Variants in PCTP observed in about 807,000 individuals in gnomAD.
The protein encoded by PCTP is START domain-containing protein 2.
Under a neutral mutation model 31.0 loss-of-function variants are expected in PCTP, and 27 were observed. That is an observed-to-expected ratio of 0.87 (90% CI 0.64 to 1.20). The LOEUF (loss-of-function observed/expected upper bound fraction) is 1.20. PCTP is among the 50% of genes most tolerant of loss of function. PCTP has a pLI of 0.00. For missense variants in PCTP, 287 were observed against 268.2 expected (o/e 1.07, Z -0.49); for synonymous variants, 108 against 101.2 (o/e 1.07, Z -0.40).
At chr17:55,779,486 C>T (rs1008146618), downstream of PCTP, among the ~76,000 whole-genome samples, 2 of 152,054 alleles carry the variant, frequency 1.3e-5, no homozygotes, top group Non-Finnish European at 2.9e-5. Flanking sequence ...TGAAGAATGA[C>T]AGAAGGCCAG....
intron 3 of PCTP, among the ~76,000 whole-genome samples, chr17:55,771,853 G>T (rs566210932): frequency 6.6e-6 from 1 of 152,278 alleles, no homozygotes; most frequent in South Asian, 2.1e-4. Context: ...TAGGATGGAA[G>T]TAGGATGACT....
exon 6 of PCTP, chr17:55,842,808 G>A (rs3764387): frequency 0.16 from 23,631 of 152,162 alleles, 2,304 homozygotes; most frequent in East Asian, 0.35. Flanking sequence ...AGGCAGCGGC[G>A]GATGGAAGAG....
At chr17:55,751,463 G>A (rs1909708807) in intron 1 of PCTP, 3 of 1,532,312 alleles carry the variant, frequency 2.0e-6, no homozygotes, top group Non-Finnish European at 1.7e-6. Flanking sequence ...GAAGGTCACA[G>A]GAGTTCAGCC....
At chr17:55,813,381 C>T (rs1040554077) in intron 3 of PCTP, among the ~76,000 whole-genome samples, 1 of 152,176 alleles carries the variant, frequency 6.6e-6, no homozygotes, top group Non-Finnish European at 1.5e-5. Flanking sequence ...AAGTGATTCT[C>T]CTGCTTCAGC....
downstream of PCTP, among the ~76,000 whole-genome samples, chr17:55,825,127 C>G (rs900916379): frequency 6.6e-6 from 1 of 152,100 alleles, no homozygotes; most frequent in African/African-American, 2.4e-5. Flanking sequence ...ATTAATGACC[C>G]TTTGTCCAAT....
chr17:55,816,978 A>G (rs1459233057), intron 3 of PCTP, among the ~76,000 whole-genome samples: 3 of 152,182 alleles, frequency 2.0e-5, no homozygotes, highest in Non-Finnish European at 4.4e-5. Flanking sequence ...GTCTGAGTAA[A>G]TTTCCTGGTA....
At chr17:55,807,796 A>T (rs1230420563) in intron 3 of PCTP, among the ~76,000 whole-genome samples, 1 of 152,186 alleles carries the variant, frequency 6.6e-6, no homozygotes, top group African/African-American at 2.4e-5. Flanking sequence ...CTACCATGGA[A>T]TTCACAATAA....
At chr17:55,784,829 G>C (rs890103999) in intron 2 of PCTP, among the ~76,000 whole-genome samples, 7 of 152,190 alleles carry the variant, frequency 4.6e-5, no homozygotes, top group East Asian at 1.9e-4. Flanking sequence ...TATTACTTAC[G>C]ATCTGGCCCA....
chr17:55,842,559 T>C (rs1906017195), intron 5 of PCTP: 1 of 152,208 alleles, frequency 6.6e-6, no homozygotes. Flanking sequence ...GACCAGATCT[T>C]GATGACAGGT....
chr17:55,846,443 A>C (rs1397659382), downstream of PCTP, among the ~76,000 whole-genome samples: 4 of 152,136 alleles, frequency 2.6e-5, no homozygotes, highest in East Asian at 7.7e-4. Flanking sequence ...TTACAAGTAG[A>C]GGTGAGCGCT....
intron 5 of PCTP, among the ~76,000 whole-genome samples, chr17:55,834,646 G>A (rs1443739781): frequency 1.3e-5 from 2 of 152,138 alleles, no homozygotes; most frequent in African/African-American, 4.8e-5. Flanking sequence ...TGTGGATGGT[G>A]TATGGGTAGA....
At chr17:55,774,940 G>C (rs1293027570) in intron 5 of PCTP, 81 bp downstream of exon 5, 1 of 1,415,766 alleles carries the variant, frequency 7.1e-7, no homozygotes, top group African/African-American at 1.4e-5. Context: ...GGGGCTGTCA[G>C]GCTGAAGAGA....
intron 2 of PCTP, among the ~76,000 whole-genome samples, chr17:55,786,306 G>C (rs771674738): frequency 2.0e-5 from 3 of 152,066 alleles, no homozygotes; most frequent in Non-Finnish European, 4.4e-5. Flanking sequence ...GAATAAAATA[G>C]CCATGTGTGA....
At chr17:55,775,878 G>T in intron 5 of PCTP, 157 bp from the exon 6 acceptor site, 2 of 1,385,342 alleles carry the variant, frequency 1.4e-6, no homozygotes, top group East Asian at 2.7e-5. Flanking sequence ...CCTACTTTTT[G>T]TCATCATCTG....
Position 55,751,109 on chromosome 17 carries a change from G to C in PCTP, c.6G>C (p.Glu2Asp). Residue 2 changes from glutamate (E) to aspartate (D), a missense_variant, in exon 1 of 6, where the codon GAG (glutamate) becomes GAC (aspartate). Coordinates refer to ENST00000268896, the MANE Select transcript of PCTP (RefSeq NM_021213.4). M[E>D]LAAGSFSEEQ... ...GGAGCCCGGACTGCGGAAGGATGGA[G>C]CTGGCCGCCGGAAGCTTCTCGGAGG... 1 of 1,540,108 alleles carries C rather than the reference G, an allele frequency of 6.5e-7. No individual in the cohort carries two copies. Among genetic ancestry groups the C allele is most frequent in the Non-Finnish European group, 8.7e-7 (1 of 1,143,174 alleles).
At chr17:55,783,310 A>G (rs1244993365) in intron 2 of PCTP, among the ~76,000 whole-genome samples, 1 of 152,180 alleles carries the variant, frequency 6.6e-6, no homozygotes, top group Admixed American at 6.5e-5. Context: ...GAAGGGAGAG[A>G]GGCTGGAGGC....
At chr17:55,834,145 A>G (rs1172351695) in intron 5 of PCTP, among the ~76,000 whole-genome samples, 2 of 152,160 alleles carry the variant, frequency 1.3e-5, no homozygotes, top group African/African-American at 4.8e-5. Context: ...TTCCTCTTGT[A>G]TCTACTCTGC....
At chr17:55,823,872 G>A (rs76553594), downstream of PCTP, among the ~76,000 whole-genome samples, 314 of 152,268 alleles carry the variant, frequency 2.1e-3, 2 homozygotes, top group South Asian at 4.4e-3. Flanking sequence ...GCACAGCTCC[G>A]CCTGAGCTAT....
exon 4 of PCTP, chr17:55,822,884 A>G (rs1905281397): frequency 8.8e-7 from 1 of 1,141,340 alleles, no homozygotes; most frequent in Non-Finnish European, 1.1e-6. Context: ...TAAAGACATG[A>G]GAAAAGAAGC....
Sources: allele counts gnomAD v4.1 joint callset (sites outside exome capture counted in the v4.1 genomes callset), GRCh38; gene constraint gnomAD v4.1.1; transcripts MANE v1.5; gene names NCBI Gene and HGNC (gene_info 2026-07-23, HGNC 2026-07-21).